The following MYL4 variants were observed in gnomAD, a reference collection of about 807,000 sequenced individuals.
MYL4 encodes myosin light chain 4.
A neutral mutation model predicts 21.6 loss-of-function variants in MYL4; 16 were observed. That is an observed-to-expected ratio of 0.74 (90% CI 0.50 to 1.12). The LOEUF is 1.12. Ranked by LOEUF, MYL4 falls within the 50% of genes most tolerant of loss-of-function variation. The pLI, the probability that MYL4 is intolerant of heterozygous loss-of-function variation, is 0.00. For synonymous variants in MYL4, 82 were observed against 95.7 expected, an observed-to-expected ratio of 0.86 and a Z score of 0.83; for missense variants, 249 against 252.9, an observed-to-expected ratio of 0.98 and a Z score of 0.11.
chr17:47,199,565 A>C (rs1228575652), upstream of MYL4, among the ~76,000 whole-genome samples: 1 of 152,058 alleles, frequency 6.6e-6, no homozygotes, highest in Admixed American at 6.6e-5. Flanking sequence ...GGATGCAGAC[A>C]TACAAATACG....
Sources: gnomAD v4.1 joint callset for allele counts (sites outside exome capture counted in the v4.1 genomes callset) on GRCh38, gnomAD v4.1.1 for gene constraint, MANE v1.5 for transcripts, NCBI Gene and HGNC (gene_info 2026-07-23, HGNC 2026-07-21) for gene names.